Variants in CELF2 observed in about 807,000 individuals in gnomAD.
The protein encoded by CELF2 is CUGBP Elav-like family member 2.
Under a neutral mutation model 62.6 loss-of-function variants are expected in CELF2, and 8 were observed. The observed-to-expected ratio is 0.13, with a 90% CI of 0.07 to 0.23. The LOEUF (loss-of-function observed/expected upper bound fraction) is 0.23, where lower values mean the gene tolerates loss of function less well. CELF2 is among the 10% of genes least tolerant of loss of function. The pLI is 1.00. For synonymous variants in CELF2, 258 were observed against 250.0 expected, an observed-to-expected ratio of 1.03 and a Z score of -0.30; for missense variants, 333 against 671.0, an observed-to-expected ratio of 0.50 and a Z score of 5.56.
intron 1 of CELF2, among the ~76,000 whole-genome samples, chr10:11,027,877 C>T (rs548944288): frequency 2.6e-5 from 4 of 152,306 alleles, no homozygotes; most frequent in East Asian, 1.9e-4. Context: ...ACAGTATTAC[C>T]GTCAGACTAA....
In CELF2 at chr10:11,227,206, C is replaced by CTA. The variant is rs1378264037; in HGVS notation, c.354+9700_354+9701insAT. Among the ~76,000 whole-genome samples, 1 of 152,190 alleles carries CTA rather than the reference C, an allele frequency of 6.6e-6. No individual in the cohort carries two copies. Among genetic ancestry groups the CTA allele is most frequent in the Non-Finnish European group, 1.5e-5 (1 of 68,032 alleles). ...TCCTGCCCTGAAAACTCCTGGAGGC[C>CTA]TTTAGAAAGGAACTGTTCTACCCTG... On this transcript the variant is annotated intron_variant, in intron 3 of 12. Coordinates refer to ENST00000633077, the MANE Select transcript of CELF2 (RefSeq NM_001326342.2). The surrounding 1 kb of genome is among the most constrained non-coding windows in gnomAD (Gnocchi z 4.8).
At chr10:10,603,780 C>CACAT in the CELF2 span, among the ~76,000 whole-genome samples, 53 of 132,520 alleles carry the variant, frequency 4.0e-4, no homozygotes, top group Non-Finnish European at 7.6e-4. Context: ...AGGATATTTA[C>CACAT]ACATACACAC....
chr10:11,325,882 T>A lies in CELF2; in HGVS notation c.1341T>A (p.Phe447Leu). 6.2e-7 allele frequency: 1 copy of A among 1,614,196 alleles called. No homozygotes were observed. The highest frequency in any genetic ancestry group is 8.5e-7 in the Non-Finnish European group (1 of 1,180,016). ...TTATTTACCACCTTCCACAGGAATT[T>A]GGAGACCAGGACATTCTGCAGATGT... ...NLFIYHLPQEFGDQDILQMFM... is the reference protein window; with the variant it reads ...NLFIYHLPQELGDQDILQMFM... Residue 447 changes from phenylalanine to leucine, a missense_variant, in exon 12 of 13, where the codon TTT (phenylalanine) becomes TTA (leucine). This residue lies in a region of CELF2 where 35 missense variants were observed against 128.1 expected (regional missense o/e 0.27). Coordinates refer to ENST00000633077, the MANE Select transcript of CELF2 (RefSeq NM_001326342.2).
the CELF2 span, among the ~76,000 whole-genome samples, chr10:10,557,928 T>C: frequency 1.4e-5 from 2 of 141,958 alleles, no homozygotes; most frequent in East Asian, 4.1e-4. Flanking sequence ...CTTAAGGAGA[T>C]TTTGGGCTGA....
At chr10:10,869,466 G>A (rs1283228962) in intron 1 of CELF2, among the ~76,000 whole-genome samples, 1 of 152,040 alleles carries the variant, frequency 6.6e-6, no homozygotes, top group African/African-American at 2.4e-5. Context: ...GGAGGCTGAG[G>A]CAGGAGAATC....
the CELF2 span, among the ~76,000 whole-genome samples, chr10:10,736,396 C>CTTTCTTTCTTT: frequency 7.6e-4 from 58 of 75,986 alleles, no homozygotes; most frequent in African/African-American, 2.5e-3. Flanking sequence ...TTCTTTCTTT[C>CTTTCTTTCTTT]TTTTTTTTTT....
chr10:10,591,693 C>T, the CELF2 span, among the ~76,000 whole-genome samples: 1 of 152,148 alleles, frequency 6.6e-6, no homozygotes, highest in Non-Finnish European at 1.5e-5. Flanking sequence ...AGGAAACTGA[C>T]TTTGATTAGA....
the CELF2 span, among the ~76,000 whole-genome samples, chr10:10,569,971 C>G: frequency 1.3e-5 from 2 of 152,166 alleles, no homozygotes; most frequent in Non-Finnish European, 2.9e-5. Context: ...ATGGATATAC[C>G]TCATTGGCAG....
the CELF2 span, among the ~76,000 whole-genome samples, chr10:10,720,066 C>T: frequency 6.6e-6 from 1 of 152,124 alleles, no homozygotes; most frequent in Non-Finnish European, 1.5e-5. Context: ...TCCACTTGGG[C>T]TGCGTTTCAT....
intron 1 of CELF2, among the ~76,000 whole-genome samples, chr10:10,818,496 G>A (rs921997011): frequency 1.3e-5 from 2 of 151,858 alleles, no homozygotes; most frequent in Non-Finnish European, 2.9e-5. Flanking sequence ...ATTTCTGGGG[G>A]CCAAAGCTCT....
chr10:11,285,200 G>T lies in CELF2; in HGVS notation c.842-3218G>T, dbSNP rs2090814462. On this transcript the variant is annotated intron_variant, in intron 8 of 12. Transcript: ENST00000633077. This position sits in a 1 kb window ranked among gnomAD's most constrained non-coding sequence, Gnocchi z 4.3. ...AAATATGGATCCGCCTCCTTGATTG[G>T]TTCTGACTAACTCTTCTTCTCTCCT... Among the ~76,000 whole-genome samples, 1 of 151,972 alleles carries T rather than the reference G, an allele frequency of 6.6e-6. No individual in the cohort carries two copies. The highest frequency in any genetic ancestry group is 2.1e-4 in the South Asian group (1 of 4,824).
chr10:10,558,308 T>C, the CELF2 span, among the ~76,000 whole-genome samples: 1 of 151,788 alleles, frequency 6.6e-6, no homozygotes, highest in Non-Finnish European at 1.5e-5. Context: ...GTTTTTTGTC[T>C]TTGGTTCTGT....
the CELF2 span, among the ~76,000 whole-genome samples, chr10:10,636,956 G>A: frequency 1.3e-5 from 2 of 152,126 alleles, no homozygotes; most frequent in Non-Finnish European, 1.5e-5. Context: ...TTATGTGAAT[G>A]AAACACATAA....
intron 1 of CELF2, among the ~76,000 whole-genome samples, chr10:11,095,222 C>A (rs188081197): frequency 1.4e-3 from 210 of 152,304 alleles, no homozygotes; most frequent in Non-Finnish European, 2.8e-3. Flanking sequence ...CTTTGAGATT[C>A]TCTTTTTCTG....
chr10:11,203,777 C>T (rs1187983202), intron 2 of CELF2, among the ~76,000 whole-genome samples: 1 of 152,230 alleles, frequency 6.6e-6, no homozygotes, highest in Non-Finnish European at 1.5e-5. Context: ...TTTTGGGGGT[C>T]ATCCTTCTTC....
chr10:11,293,871 C>G (rs560660296), intron 9 of CELF2, among the ~76,000 whole-genome samples: 36 of 152,210 alleles, frequency 2.4e-4, no homozygotes, highest in Admixed American at 2.2e-3. Context: ...TCTGTTCAGT[C>G]TAGTTTAGCG....
chr10:10,944,065 T>C (rs2047369447), intron 2 of CELF2: 1 of 152,436 alleles, frequency 6.6e-6, no homozygotes, highest in Admixed American at 6.5e-5. Flanking sequence ...TAGTATTGGG[T>C]CTATCTAGGT....
chr10:10,729,324 CA>C, the CELF2 span, among the ~76,000 whole-genome samples: 4 of 152,184 alleles, frequency 2.6e-5, no homozygotes, highest in African/African-American at 9.6e-5. Context: ...AAGAGAAATA[CA>C]GCGAATCAAA....
chr10:10,918,423 A>G (rs1188261920), intron 1 of CELF2, among the ~76,000 whole-genome samples: 1 of 152,248 alleles, frequency 6.6e-6, no homozygotes, highest in Non-Finnish European at 1.5e-5. Flanking sequence ...TAGCAATAAA[A>G]GCTGATTGTT....
Sources: allele counts gnomAD v4.1 joint callset (sites outside exome capture counted in the v4.1 genomes callset), GRCh38; gene constraint gnomAD v4.1.1; regional missense constraint gnomAD v4.1.1; non-coding constraint Gnocchi (gnomAD v3.1); transcripts MANE v1.5; gene names NCBI Gene and HGNC (gene_info 2026-07-23, HGNC 2026-07-21).